Variants in ZNF346 observed in about 807,000 individuals in gnomAD.
ZNF346 encodes the protein double-stranded RNA-binding zinc finger protein JAZ.
Under a neutral mutation model 33.7 loss-of-function variants are expected in ZNF346, and 23 were observed. The ratio of observed to expected loss-of-function variants is 0.68; its 90% confidence interval spans 0.49 to 0.97. The LOEUF (loss-of-function observed/expected upper bound fraction) is 0.97. ZNF346 is among the 50% of genes least tolerant of loss of function. ZNF346 has a pLI of 0.00. For synonymous variants in ZNF346, 134 were observed against 142.4 expected (o/e 0.94, Z 0.42); for missense variants, 340 against 371.1 (o/e 0.92, Z 0.69).
intron 5 of ZNF346, among the ~76,000 whole-genome samples, chr5:177,053,317 CAAAAAAAAAA>C (rs754883910): frequency 1.4e-4 from 12 of 87,366 alleles, no homozygotes; most frequent in African/African-American, 4.7e-4. Context: ...GACTTCATCT[CAAAAAAAAAA>C]AAAAAAAAAA....
chr5:177,061,433 G>C (rs1369367985), intron 5 of ZNF346, among the ~76,000 whole-genome samples: 1 of 152,140 alleles, frequency 6.6e-6, no homozygotes, highest in East Asian at 1.9e-4. Flanking sequence ...CACAGAGCGA[G>C]ACTCCGTCTC....
intron 5 of ZNF346, 88 bp downstream of exon 5, chr5:177,051,024 T>A: frequency 1.9e-6 from 2 of 1,041,038 alleles, no homozygotes; most frequent in Non-Finnish European, 2.9e-6. Flanking sequence ...TTTTCCTCCT[T>A]AGGTCTTGTA....
In ZNF346 at chr5:177,022,907, G is replaced by A. The variant is rs377548604; in HGVS notation, c.169G>A (p.Glu57Lys). 38 of 1,478,240 alleles carry A rather than the reference G, an allele frequency of 2.6e-5. No individual in the cohort carries two copies. Among genetic ancestry groups the A allele is most frequent in the Non-Finnish European group, 3.4e-5 (38 of 1,114,478 alleles). 91.6% of individuals were successfully genotyped at this position (1,478,240 alleles called of 1,614,324 possible). A position where few individuals can be genotyped will look rare whatever the true frequency, so the allele number is the denominator to read the frequency against. ...AVSGAQPVGR[E>K]EVEHMIQKNQ... Reference sequence around the variant, plus strand: ...GTCCGGTGCCCAGCCGGTGGGTAGAGAGGAAGGTGAGTCGGGGGCTTTGGA... The same window carrying A: ...GTCCGGTGCCCAGCCGGTGGGTAGAAAGGAAGGTGAGTCGGGGGCTTTGGA... The change falls in exon 1 of 7, where the codon GAG (glutamate) becomes AAG (lysine). Residue 57 changes from glutamate (E) to lysine (K), a missense_variant. By Grantham distance (56) the Glu-to-Lys change is moderately conservative. Transcript: ENST00000358149.
chr5:177,047,015 A>G (rs534896641), intron 4 of ZNF346, among the ~76,000 whole-genome samples: 10 of 145,492 alleles, frequency 6.9e-5, no homozygotes, highest in Admixed American at 4.7e-4. Flanking sequence ...GGGTTTTTAA[A>G]ATTTTTTTAT....
At chr5:177,050,301 C>T (rs1342848330) in intron 4 of ZNF346, among the ~76,000 whole-genome samples, 1 of 152,216 alleles carries the variant, frequency 6.6e-6, no homozygotes, top group Non-Finnish European at 1.5e-5. Flanking sequence ...AACTGTATTA[C>T]TTTAAGGATG....
At chr5:177,061,299 G>A (rs1782519684) in intron 5 of ZNF346, among the ~76,000 whole-genome samples, 1 of 151,872 alleles carries the variant, frequency 6.6e-6, no homozygotes, top group Non-Finnish European at 1.5e-5. Flanking sequence ...ACAAAAATTA[G>A]CTGGGTGTGG....
At chr5:177,074,585 CCAG>C (rs1783654879) in intron 8 of ZNF346, among the ~76,000 whole-genome samples, 2 of 152,116 alleles carry the variant, frequency 1.3e-5, no homozygotes, top group African/African-American at 4.8e-5. Context: ...GAGTTCACAT[CCAG>C]CCTGGGCAGC....
chr5:177,044,321 G>A, intron 3 of ZNF346, 68 bp from the exon 4 acceptor site: 1 of 1,592,094 alleles, frequency 6.3e-7, no homozygotes, highest in South Asian at 1.1e-5. Context: ...TATGGGCAGT[G>A]GGGAACCATT....
intron 5 of ZNF346, among the ~76,000 whole-genome samples, chr5:177,060,390 GCA>G (rs1281273476): frequency 1.3e-5 from 2 of 151,190 alleles, no homozygotes; most frequent in African/African-American, 4.9e-5. Flanking sequence ...GCGTGGTGGT[GCA>G]CGCCTGTAAT....
chr5:177,060,732 T>C (rs139287255), intron 5 of ZNF346, among the ~76,000 whole-genome samples: 21,399 of 151,420 alleles, frequency 0.14, 3,208 homozygotes, highest in African/African-American at 0.38. Context: ...CGCTTGAACC[T>C]GGGAGGCAGA....
intron 1 of ZNF346, among the ~76,000 whole-genome samples, chr5:177,029,993 C>T (rs1777429462): frequency 1.3e-5 from 2 of 152,234 alleles, no homozygotes; most frequent in African/African-American, 4.8e-5. Flanking sequence ...CAACTGGTGT[C>T]CACTGCAGAA....
chr5:177,056,031 G>C (rs1215801892), intron 5 of ZNF346, among the ~76,000 whole-genome samples: 1 of 146,644 alleles, frequency 6.8e-6, no homozygotes, highest in Non-Finnish European at 1.5e-5. Context: ...AGCCAAGATC[G>C]TGTCACTGCA....
intron 4 of ZNF346, 44 bp from the exon 5 acceptor site, chr5:177,050,707 G>A (rs201727083): frequency 1.9e-6 from 3 of 1,613,446 alleles, no homozygotes; most frequent in Admixed American, 1.7e-5. Flanking sequence ...CTGCAGCTCT[G>A]TCAAAACGCC....
chr5:177,038,319 C>T (rs1193403283), intron 1 of ZNF346, among the ~76,000 whole-genome samples: 1 of 145,652 alleles, frequency 6.9e-6, no homozygotes, highest in East Asian at 2.1e-4. Context: ...CCCTGTGTTG[C>T]CCAGGACAGT....
At chr5:177,047,153 A>G (rs941162584) in intron 4 of ZNF346, among the ~76,000 whole-genome samples, 1 of 151,704 alleles carries the variant, frequency 6.6e-6, no homozygotes, top group Admixed American at 6.6e-5. Flanking sequence ...GGTTCAAGCG[A>G]TTCTTCTGCC....
In ZNF346 at chr5:177,078,968, A is replaced by G. The variant is rs1014819850; in HGVS notation, c.*3-414A>G. Among the ~76,000 whole-genome samples the G allele has an allele frequency of 1.1e-4, 16 of 151,188 alleles. No individual in the cohort carries two copies. The East Asian group carries it at 2.2e-3, about 21-fold the overall frequency. ...TGAGGAGTGACTTGGTTAGATCCGTAGTTTAAAGAAGTCATTTTGGGGCCA... is the reference window on the plus strand; with the variant it reads ...TGAGGAGTGACTTGGTTAGATCCGTGGTTTAAAGAAGTCATTTTGGGGCCA... On this transcript the variant is annotated intron_variant, in intron 8 of 8. Transcript: ENST00000503039.
At position 177,064,939 on chromosome 5, in the gene ZNF346, T is replaced by G. The variant is rs1365236938; in HGVS notation, c.*340T>G. On this transcript the variant is annotated 3_prime_UTR_variant, in exon 7 of 7. Coordinates refer to ENST00000358149, the MANE Select transcript of ZNF346 (RefSeq NM_012279.4). ...CCTGTCTTTCCTCTAAAGGTCAGTT[T>G]TGGGCCAGTTCTTGCAACTAAAGAG... 1 of 257,644 alleles carries G rather than the reference T, an allele frequency of 3.9e-6. No homozygotes were observed. Among genetic ancestry groups the G allele is most frequent in the Non-Finnish European group, 7.5e-6 (1 of 133,996 alleles). The allele number at this position is 257,644 out of a possible 1,614,324, so 16.0% of individuals were successfully genotyped here.
Position 177,022,887 on chromosome 5 carries a change from G to C in ZNF346, c.149G>C (p.Gly50Ala). 2 of 1,504,650 alleles carry C rather than the reference G, an allele frequency of 1.3e-6. No individual in the cohort carries two copies. Among genetic ancestry groups the C allele is most frequent in the Non-Finnish European group, 1.8e-6 (2 of 1,125,428 alleles). 93.2% of individuals were successfully genotyped at this position (1,504,650 alleles called of 1,614,324 possible). The change falls in exon 1 of 7, where the codon GGT (glycine) becomes GCT (alanine). Residue 50 changes from glycine (G) to alanine (A), a missense_variant. Physicochemically the swap from Gly to Ala is moderately conservative, Grantham distance 60. Coordinates refer to ENST00000358149, the MANE Select transcript of ZNF346 (RefSeq NM_012279.4). Reference protein sequence around the residue: ...RARRLWEAVSGAQPVGREEVE... With the variant: ...RARRLWEAVSAAQPVGREEVE... The stretch of plus-strand genomic sequence containing the variant: ...CGCCGCCTGTGGGAAGCCGTGTCCG[G>C]TGCCCAGCCGGTGGGTAGAGAGGAA...
intron 5 of ZNF346, among the ~76,000 whole-genome samples, chr5:177,051,208 T>G (rs1027088241): frequency 3.5e-5 from 5 of 141,562 alleles, no homozygotes; most frequent in African/African-American, 1.3e-4. Context: ...AGAGTCTTGC[T>G]CTGTCACCCA....
Sources: allele counts gnomAD v4.1 joint callset (sites outside exome capture counted in the v4.1 genomes callset), GRCh38; gene constraint gnomAD v4.1.1; transcripts MANE v1.5; gene names NCBI Gene and HGNC (gene_info 2026-07-23, HGNC 2026-07-21).